HPS5: variants seen among roughly 807,000 people sequenced by gnomAD.
HPS5 encodes the protein HPS5 biogenesis of lysosomal organelles complex 2 subunit 2.
HPS5 carries 83 observed loss-of-function variants against 128.0 expected under a neutral mutation model. The observed-to-expected ratio is 0.65, with a 90% CI of 0.54 to 0.78. HPS5 has a LOEUF of 0.78. Among genes scored for constraint, HPS5 ranks in the 30% least tolerant of loss-of-function variants. HPS5 has a pLI of 0.00. For synonymous variants in HPS5, 475 were observed against 470.2 expected (o/e 1.01, Z -0.13); for missense variants, 1,281 against 1,326.2 (o/e 0.97, Z 0.53).
Position 18,291,863 on chromosome 11 carries a change from C to A in HPS5, c.2019G>T (p.Val673=), listed in dbSNP as rs1019310228. The A allele has an allele frequency of 8.7e-6, 14 of 1,608,778 alleles. No homozygotes were observed. Among genetic ancestry groups the A allele is most frequent in the Non-Finnish European group, 1.2e-5 (14 of 1,177,266 alleles). ...CCTTTTTTGATTCATTAACTAATAGCACATCCTGGTTCAATTTCATGGATG... is the reference window on the plus strand; with the variant it reads ...CCTTTTTTGATTCATTAACTAATAGAACATCCTGGTTCAATTTCATGGATG... ...DNSSMKLNQD[V]LLVNESKKGI... Residue 673 remains valine (V), a synonymous_variant, in exon 16 of 23, where the codon GTG becomes GTT. Coordinates refer to ENST00000349215, the MANE Select transcript of HPS5 (RefSeq NM_181507.2).
chr11:18,310,578 G>A (rs947438588), intron 5 of HPS5, among the ~76,000 whole-genome samples, 163 bp downstream of exon 5: 1 of 152,154 alleles, frequency 6.6e-6, no homozygotes, highest in Non-Finnish European at 1.5e-5. Context: ...ACAGGCCACC[G>A]TGTGTACTAT....
In HPS5 at chr11:18,311,758, G is replaced by A. The variant is rs1240934589; in HGVS notation, c.219+156C>T. 25 of 704,650 alleles carry A rather than the reference G, an allele frequency of 3.5e-5. No homozygotes were observed. The Admixed American group carries it at 4.7e-4, about 13-fold the overall frequency. The allele number at this position is 704,650 out of a possible 1,614,324, so 43.6% of individuals were successfully genotyped here. A position where few individuals can be genotyped will look rare whatever the true frequency, so the allele number is the denominator to read the frequency against. On this transcript the variant is annotated intron_variant, in intron 3 of 22. Transcript: ENST00000349215. Reference sequence around the variant, plus strand: ...ACTCCTGACCTCAGGTAATCCATCCGCCTTGGCCTCCCAAAATGCTGGGAT... The same window carrying A: ...ACTCCTGACCTCAGGTAATCCATCCACCTTGGCCTCCCAAAATGCTGGGAT...
intron 1 of HPS5, 134 bp from the exon 2 acceptor site, chr11:18,318,041 G>A (rs1863853238): frequency 1.5e-6 from 1 of 653,830 alleles, no homozygotes. Flanking sequence ...AAACACATAA[G>A]GTAACATCGT....
intron 12 of HPS5, 85 bp downstream of exon 12, chr11:18,296,713 T>A: frequency 8.1e-7 from 1 of 1,232,306 alleles, no homozygotes; most frequent in Non-Finnish European, 1.2e-6. Context: ...TCAGAGAAAT[T>A]CCGTGCACAA....
At chr11:18,292,864 G>A in intron 15 of HPS5, 35 bp downstream of exon 15, 1 of 1,489,030 alleles carries the variant, frequency 6.7e-7, no homozygotes, top group South Asian at 1.1e-5. Context: ...AAACTGCCTT[G>A]AGACGTCACT....
intron 8 of HPS5, among the ~76,000 whole-genome samples, chr11:18,301,878 G>A (rs1450164064): frequency 6.6e-6 from 1 of 152,098 alleles, no homozygotes; most frequent in African/African-American, 2.4e-5. Context: ...AATTTATACT[G>A]GATATGCAGG....
At chr11:18,290,078 G>C (rs1860214555) in intron 16 of HPS5, among the ~76,000 whole-genome samples, 2 of 152,230 alleles carry the variant, frequency 1.3e-5, no homozygotes, top group African/African-American at 4.8e-5. Flanking sequence ...ACACAGAAGA[G>C]AGGTAAGCCA....
rs144651270 is a variant in HPS5, at chr11:18,305,664, C to G, written c.825-171G>C. 2.7e-3 allele frequency among the ~76,000 whole-genome samples: 411 copies of G among 151,990 alleles called. 1 individual carries two copies. Among genetic ancestry groups the G allele is most frequent in the Middle Eastern group, 0.017 (5 of 294 alleles). ...TAGGAGAGGTAATTATCAAAGACTT[C>G]TTTGGTTTTTCTGAATCTTTTAATA... On this transcript the variant is annotated intron_variant, in intron 7 of 22. Transcript: ENST00000349215.
intron 12 of HPS5, 140 bp from the exon 13 acceptor site, chr11:18,296,262 T>C: frequency 1.2e-6 from 1 of 820,018 alleles, no homozygotes; most frequent in Non-Finnish European, 1.9e-6. Flanking sequence ...CAGAAACAAA[T>C]GAGTGGAACA....
chr11:18,291,794 T>C lies in HPS5; in HGVS notation c.2088A>G (p.Leu696=), dbSNP rs1450206623. ...TTTTATCAACAGATTCTTCATTGCC[T>C]AAAGAGTCCCTTTTTTCTTTTTCAT... ...EDNEKEKRDS[L]GNEESVDKTA... is the part of the protein sequence containing the mutation. Residue 696 remains leucine (L), a synonymous_variant, in exon 16 of 23, where the codon TTA becomes TTG. Transcript: ENST00000349215. The C allele has an allele frequency of 1.9e-6, 3 of 1,613,696 alleles. No homozygotes were observed. Among genetic ancestry groups the C allele is most frequent in the Non-Finnish European group, 1.7e-6 (2 of 1,179,816 alleles).
chr11:18,298,216 T>C (rs1057259230), intron 10 of HPS5, among the ~76,000 whole-genome samples: 1 of 152,124 alleles, frequency 6.6e-6, no homozygotes, highest in Non-Finnish European at 1.5e-5. Flanking sequence ...TTTAAGGCCA[T>C]GTGTGGTGGC....
chr11:18,315,443 T>C (rs1863506007), intron 2 of HPS5, among the ~76,000 whole-genome samples: 1 of 152,056 alleles, frequency 6.6e-6, no homozygotes, highest in Non-Finnish European at 1.5e-5. Flanking sequence ...TGAAACTCTG[T>C]CTCTACGAAA....
intron 2 of HPS5, among the ~76,000 whole-genome samples, chr11:18,315,190 T>C (rs12802747): frequency 6.6e-6 from 1 of 152,212 alleles, no homozygotes; most frequent in Non-Finnish European, 1.5e-5. Context: ...ATAGGGAGCT[T>C]TGACATGCTG....
chr11:18,299,208 T>C (rs1188575033), intron 9 of HPS5, among the ~76,000 whole-genome samples: 1 of 152,240 alleles, frequency 6.6e-6, no homozygotes, highest in Non-Finnish European at 1.5e-5. Context: ...TAAAGTCTTA[T>C]GTTTAAAAAT....
chr11:18,296,032 G>T lies in HPS5; in HGVS notation c.1601C>A (p.Ser534Tyr). Reference protein sequence around the residue: ...FGIPLPFRSPSPLVSLQAVKE... With the variant: ...FGIPLPFRSPYPLVSLQAVKE... The stretch of plus-strand genomic sequence containing the variant: ...GACAGCCTGAAGAGACACAAGAGGA[G>T]ATGGAGAACGAAATGGTAATGGAAT... Residue 534 changes from serine to tyrosine, a missense_variant, in exon 13 of 23, where the codon TCT becomes TAT. Physicochemically the swap from Ser to Tyr is moderately radical, Grantham distance 144. Transcript: ENST00000349215. 1 of 1,613,714 alleles carries T rather than the reference G, an allele frequency of 6.2e-7. No homozygotes were observed. Among genetic ancestry groups the T allele is most frequent in the Non-Finnish European group, 8.5e-7 (1 of 1,179,636 alleles).
intron 22 of HPS5, chr11:18,280,619 A>C (rs1858771138): frequency 1.4e-6 from 1 of 694,812 alleles, no homozygotes; most frequent in African/African-American, 1.8e-5. Context: ...CACAATAGCC[A>C]GAAAGTGGAA....
At chr11:18,310,491 C>T (rs976262963) in intron 5 of HPS5, among the ~76,000 whole-genome samples, 2 of 152,152 alleles carry the variant, frequency 1.3e-5, no homozygotes, top group Non-Finnish European at 2.9e-5. Context: ...GCAGGTGAAT[C>T]AGGAAGGACT....
At chr11:18,294,131 T>A (rs1037776237) in intron 14 of HPS5, among the ~76,000 whole-genome samples, 10 of 152,098 alleles carry the variant, frequency 6.6e-5, no homozygotes, top group African/African-American at 2.4e-4. Flanking sequence ...CTATGCCCAA[T>A]TAAGGGCTCT....
intron 22 of HPS5, among the ~76,000 whole-genome samples, chr11:18,280,921 T>C (rs1858812817): frequency 7.6e-6 from 1 of 131,600 alleles, no homozygotes. Flanking sequence ...GTGTGGAGTT[T>C]CAGTTTTGCA....
Sources: allele counts gnomAD v4.1 joint callset (sites outside exome capture counted in the v4.1 genomes callset), GRCh38; gene constraint gnomAD v4.1.1; transcripts MANE v1.5; gene names NCBI Gene and HGNC (gene_info 2026-07-23, HGNC 2026-07-21).